The following MEGF10 variants were observed in gnomAD, a reference collection of about 807,000 sequenced individuals.
MEGF10 encodes the protein multiple EGF like domains 10.
In MEGF10, 86 loss-of-function variants were observed where a neutral mutation model predicts 147.5. The ratio of observed to expected loss-of-function variants is 0.58; its 90% CI spans 0.49 to 0.70. The LOEUF (loss-of-function observed/expected upper bound fraction) is 0.70, where lower values mean the gene tolerates loss of function less well. MEGF10 is among the 30% of genes least tolerant of loss of function. The pLI, the probability that MEGF10 is intolerant of heterozygous loss-of-function variation, is 0.00. For synonymous variants in MEGF10, 478 were observed against 525.5 expected (o/e 0.91, Z 1.24); for missense variants, 1,329 against 1,487.3 (o/e 0.89, Z 1.75).
chr5:127,397,631 G>T (rs115032896), intron 6 of MEGF10, among the ~76,000 whole-genome samples: 1,559 of 152,256 alleles, frequency 0.01, 31 homozygotes, highest in African/African-American at 0.036. Context: ...CTGTAGAGTG[G>T]AGCTAAAGAA....
the MEGF10 span, among the ~76,000 whole-genome samples, chr5:127,252,561 C>T: frequency 6.6e-6 from 1 of 151,736 alleles, no homozygotes; most frequent in African/African-American, 2.4e-5. Flanking sequence ...TGTATTAATG[C>T]ACATATACTT....
chr5:127,307,729 T>C (rs1249561931), intron 1 of MEGF10, among the ~76,000 whole-genome samples: 2 of 152,208 alleles, frequency 1.3e-5, no homozygotes, highest in East Asian at 1.9e-4. Context: ...TTTGGGAACA[T>C]GTATAAAAAT....
chr5:127,440,231 C>G (rs1349092735), intron 17 of MEGF10, among the ~76,000 whole-genome samples: 2 of 152,156 alleles, frequency 1.3e-5, no homozygotes, highest in African/African-American at 4.8e-5. Flanking sequence ...GGTAAGCATT[C>G]TAGTACACCT....
the MEGF10 span, among the ~76,000 whole-genome samples, chr5:127,281,040 A>G: frequency 2.6e-5 from 4 of 152,166 alleles, no homozygotes; most frequent in Admixed American, 2.0e-4. Context: ...TCCCAGAGGC[A>G]GTGGTTGCCT....
chr5:127,379,845 C>T (rs1363790154), intron 5 of MEGF10, among the ~76,000 whole-genome samples: 1 of 151,966 alleles, frequency 6.6e-6, no homozygotes, highest in Non-Finnish European at 1.5e-5. Context: ...AGAGATCTGC[C>T]CACCTCAGCT....
At chr5:127,437,868 C>T (rs1765615714) in intron 16 of MEGF10, among the ~76,000 whole-genome samples, 1 of 152,198 alleles carries the variant, frequency 6.6e-6, no homozygotes, top group African/African-American at 2.4e-5. Context: ...GTCCTTTAAC[C>T]TCTCTTGAGT....
intron 13 of MEGF10, chr5:127,424,235 A>C: frequency 1.5e-6 from 1 of 661,652 alleles, no homozygotes; most frequent in South Asian, 1.7e-5. Context: ...TTGTCTATAT[A>C]TCTCTCCTTA....
chr5:127,367,110 A>G (rs1045961932), intron 4 of MEGF10, among the ~76,000 whole-genome samples: 4 of 152,222 alleles, frequency 2.6e-5, no homozygotes, highest in Non-Finnish European at 5.9e-5. Context: ...GTTAAGAGTC[A>G]ACACAACTAC....
chr5:127,399,606 A>G (rs1580817161), intron 7 of MEGF10, among the ~76,000 whole-genome samples: 1 of 152,200 alleles, frequency 6.6e-6, no homozygotes, highest in Non-Finnish European at 1.5e-5. Context: ...CTGTTCTTTC[A>G]GAGGTTACAA....
intron 4 of MEGF10, among the ~76,000 whole-genome samples, chr5:127,355,512 C>T (rs530048780): frequency 6.6e-6 from 1 of 152,240 alleles, no homozygotes; most frequent in East Asian, 1.9e-4. Context: ...GGACCCTGTA[C>T]TCTGTTGCTA....
At chr5:127,255,298 C>T in the MEGF10 span, among the ~76,000 whole-genome samples, 2 of 152,072 alleles carry the variant, frequency 1.3e-5, no homozygotes, top group East Asian at 1.9e-4. Flanking sequence ...CCTCTGGCCT[C>T]GTGACAACTG....
chr5:127,455,567 C>G lies in MEGF10; in HGVS notation c.3192C>G (p.Ile1064Met), dbSNP rs1766331205. ...GAAGAGATTCCCCATATGCAGAGAT[C>G]AATAACTCAACTTCAGCCAACAGGA... Reference protein sequence around the residue: ...PARRDSPYAEINNSTSANRNV... With the variant: ...PARRDSPYAEMNNSTSANRNV... Residue 1064 changes from isoleucine to methionine, a missense_variant, in exon 24 of 25, where the codon ATC becomes ATG. This residue lies in a region of MEGF10 where 343 missense variants were observed against 377.9 expected (regional missense o/e 0.91). Coordinates refer to ENST00000503335, the MANE Select transcript of MEGF10 (RefSeq NM_001256545.2). 1 of 1,613,972 alleles carries G rather than the reference C, an allele frequency of 6.2e-7. No individual in the cohort carries two copies. The highest frequency in any genetic ancestry group is 1.3e-5 in the African/African-American group (1 of 74,892).
intron 22 of MEGF10, among the ~76,000 whole-genome samples, chr5:127,450,397 A>T (rs1195704260): frequency 6.6e-6 from 1 of 152,194 alleles, no homozygotes; most frequent in Non-Finnish European, 1.5e-5. Flanking sequence ...GGCCTCCTGA[A>T]AAGGGGGCAG....
At chr5:127,409,041 C>T (rs1764446406) in intron 8 of MEGF10, among the ~76,000 whole-genome samples, 1 of 152,158 alleles carries the variant, frequency 6.6e-6, no homozygotes, top group Non-Finnish European at 1.5e-5. Flanking sequence ...GGCACCACTG[C>T]ACTCCAGTCT....
At chr5:127,313,105 A>C (rs1198221176) in intron 1 of MEGF10, among the ~76,000 whole-genome samples, 1 of 152,212 alleles carries the variant, frequency 6.6e-6, no homozygotes, top group African/African-American at 2.4e-5. Flanking sequence ...CACACAGCTG[A>C]AAACTTTCTC....
At chr5:127,406,850 T>C (rs1435627366) in intron 8 of MEGF10, among the ~76,000 whole-genome samples, 1 of 151,884 alleles carries the variant, frequency 6.6e-6, no homozygotes, top group Non-Finnish European at 1.5e-5. Context: ...TCTGAAGGGG[T>C]TAAAAGAGTT....
At chr5:127,264,144 G>A in the MEGF10 span, among the ~76,000 whole-genome samples, 2 of 152,116 alleles carry the variant, frequency 1.3e-5, no homozygotes, top group Non-Finnish European at 2.9e-5. Flanking sequence ...GTATAAATAA[G>A]GTACTTTTTA....
chr5:127,313,928 C>T (rs1164285940), intron 1 of MEGF10, among the ~76,000 whole-genome samples: 3 of 152,172 alleles, frequency 2.0e-5, no homozygotes, highest in Admixed American at 1.3e-4. Flanking sequence ...TGGGATGATA[C>T]ACCTCATGTT....
intron 18 of MEGF10, among the ~76,000 whole-genome samples, chr5:127,442,558 T>G (rs1377000246): frequency 6.6e-6 from 1 of 152,236 alleles, no homozygotes; most frequent in African/African-American, 2.4e-5. Flanking sequence ...TGTGCGTTTA[T>G]GAAGATCCCT....
Sources: gnomAD v4.1 joint callset for allele counts (sites outside exome capture counted in the v4.1 genomes callset) on GRCh38, gnomAD v4.1.1 for gene constraint, gnomAD v4.1.1 regional missense constraint, MANE v1.5 for transcripts, NCBI Gene and HGNC (gene_info 2026-07-23, HGNC 2026-07-21) for gene names.